Variants in TMIGD3 observed in about 807,000 individuals in gnomAD.
TMIGD3 encodes transmembrane and immunoglobulin domain containing 3.
TMIGD3 carries 21 observed loss-of-function variants against 28.1 expected under a neutral mutation model. The observed-to-expected ratio is 0.75, with a 90% CI of 0.53 to 1.08. The LOEUF (loss-of-function observed/expected upper bound fraction) is 1.08. Among genes scored for constraint, TMIGD3 ranks in the 50% least tolerant of loss-of-function variants. The pLI is 0.00. For missense variants in TMIGD3, 416 were observed against 435.6 expected (o/e 0.96, Z 0.40); for synonymous variants, 151 against 162.1 (o/e 0.93, Z 0.52).
chr1:111,486,271 C>A (rs1363672497), intron 4 of TMIGD3, among the ~76,000 whole-genome samples: 1 of 152,198 alleles, frequency 6.6e-6, no homozygotes, highest in Non-Finnish European at 1.5e-5. Flanking sequence ...ATGTTCCTGA[C>A]AATTTCCAAG....
chr1:111,525,412 A>T (rs775759213), intron 1 of TMIGD3, among the ~76,000 whole-genome samples: 1 of 152,192 alleles, frequency 6.6e-6, no homozygotes, highest in African/African-American at 2.4e-5. Flanking sequence ...TTTTATTGCT[A>T]TGAAATTACT....
At chr1:111,514,405 T>C (rs560785249) in intron 1 of TMIGD3, among the ~76,000 whole-genome samples, 2 of 152,018 alleles carry the variant, frequency 1.3e-5, no homozygotes, top group African/African-American at 4.8e-5. Context: ...AAAAAATTAG[T>C]TGGGCGTGGT....
At chr1:111,539,898 A>G (rs553032179) in intron 1 of TMIGD3, among the ~76,000 whole-genome samples, 1 of 152,322 alleles carries the variant, frequency 6.6e-6, no homozygotes, top group Admixed American at 6.5e-5. Flanking sequence ...CTGCTAAAAG[A>G]CAGACATTAG....
intron 1 of TMIGD3, among the ~76,000 whole-genome samples, chr1:111,525,080 T>G (rs1393604901): frequency 6.6e-6 from 1 of 152,268 alleles, no homozygotes; most frequent in Non-Finnish European, 1.5e-5. Flanking sequence ...CTTTTAAATG[T>G]ATTGAAACTT....
Position 111,503,631 on chromosome 1 carries a change from A to G in TMIGD3, c.-277T>C. On this transcript the variant is annotated 5_prime_UTR_variant, in exon 1 of 6. Coordinates refer to ENST00000369716, the MANE Select transcript of TMIGD3 (RefSeq NM_020683.7). Reference sequence around the variant, plus strand: ...AATGCTGTAGGACAGCTCTATATGGACTGAATCTGAAAGTGCTGCTGCTCT... The same window carrying G: ...AATGCTGTAGGACAGCTCTATATGGGCTGAATCTGAAAGTGCTGCTGCTCT... The G allele has an allele frequency of 3.3e-6, 4 of 1,194,930 alleles. No homozygotes were observed. Among genetic ancestry groups the G allele is most frequent in the Non-Finnish European group, 4.2e-6 (4 of 955,746 alleles). The allele number at this position is 1,194,930 out of a possible 1,614,324, so 74.0% of individuals were successfully genotyped here.
At chr1:111,500,801 T>A in intron 1 of TMIGD3, 1 of 549,660 alleles carries the variant, frequency 1.8e-6, no homozygotes, top group Non-Finnish European at 3.2e-6. Flanking sequence ...TGGGGACTTT[T>A]CTAAAGAAGA....
intron 1 of TMIGD3, among the ~76,000 whole-genome samples, chr1:111,495,805 G>A (rs1289561912): frequency 2.6e-5 from 4 of 152,328 alleles, no homozygotes; most frequent in South Asian, 2.1e-4. Context: ...ACATAGACAC[G>A]ATGGACTACT....
upstream of TMIGD3, chr1:111,505,043 G>A (rs2100987758): frequency 3.1e-6 from 3 of 968,834 alleles, no homozygotes; most frequent in Admixed American, 7.8e-5. Context: ...CCTCATAAAT[G>A]TTTCTACTGT....
rs1287888327 is a variant in TMIGD3, at chr1:111,488,860, G to A, written c.622C>T (p.His208Tyr). 2 of 1,614,234 alleles carry A rather than the reference G, an allele frequency of 1.2e-6. No individual in the cohort carries two copies. Among genetic ancestry groups the A allele is most frequent in the Admixed American group, 3.3e-5 (2 of 60,028 alleles). The change falls in exon 3 of 6, where the codon CAT (histidine) becomes TAT (tyrosine). Residue 208 changes from histidine (H) to tyrosine (Y), a missense_variant. By Grantham distance (83) the His-to-Tyr change is moderately conservative. Transcript: ENST00000369716. ...TTCCCTGTGTCCCTCAGGGCCACAT[G>A]ATTGGTGCTGTTAGGGGAGAAGGCG... ...IIAFSPNSTN[H>Y]VALRDTGNQL...
At chr1:111,505,103 T>G, upstream of TMIGD3, 2 of 779,960 alleles carry the variant, frequency 2.6e-6, no homozygotes, top group Non-Finnish European at 3.1e-6. Flanking sequence ...CAAGAGAAAT[T>G]TCTAGGAGGC....
At position 111,488,870 on chromosome 1, in the gene TMIGD3, G is replaced by T; in HGVS notation, c.612C>A (p.Asn204Lys). ...DYCNIIAFSPNSTNHVALRDT... is the reference protein window; with the variant it reads ...DYCNIIAFSPKSTNHVALRDT... ...CCCTCAGGGCCACATGATTGGTGCTGTTAGGGGAGAAGGCGATGATGTTGC... is the reference window on the plus strand; with the variant it reads ...CCCTCAGGGCCACATGATTGGTGCTTTTAGGGGAGAAGGCGATGATGTTGC... The change falls in exon 3 of 6, where the codon AAC becomes AAA. Residue 204 changes from asparagine (N) to lysine (K), a missense_variant. Transcript: ENST00000369716. 1 of 1,614,232 alleles carries T rather than the reference G, an allele frequency of 6.2e-7. No individual in the cohort carries two copies. Among genetic ancestry groups the T allele is most frequent in the Non-Finnish European group, 8.5e-7 (1 of 1,180,046 alleles).
intron 1 of TMIGD3, chr1:111,500,223 C>T (rs371490424): frequency 2.9e-5 from 46 of 1,613,978 alleles, no homozygotes; most frequent in Admixed American, 5.0e-5. Flanking sequence ...AGGACTTAGC[C>T]GTCTTGAACT....
intron 1 of TMIGD3, among the ~76,000 whole-genome samples, chr1:111,531,174 A>G (rs1314033368): frequency 1.3e-5 from 2 of 152,026 alleles, no homozygotes; most frequent in Non-Finnish European, 2.9e-5. Flanking sequence ...GCTACTCTGG[A>G]GGCTGAGGTG....
upstream of TMIGD3, among the ~76,000 whole-genome samples, chr1:111,507,031 GTGTGTGTGTATATATA>G (rs1310580039): frequency 9.0e-4 from 32 of 35,686 alleles, no homozygotes; most frequent in African/African-American, 1.7e-3. Flanking sequence ...GTGTGTGTGT[GTGTGTGTGTATATATA>G]TATATATATA....
At chr1:111,546,473 T>C (rs1307545656) in intron 1 of TMIGD3, among the ~76,000 whole-genome samples, 2 of 152,144 alleles carry the variant, frequency 1.3e-5, no homozygotes, top group Non-Finnish European at 2.9e-5. Context: ...TTTCTGTCTC[T>C]GTGAATTGGA....
intron 1 of TMIGD3, among the ~76,000 whole-genome samples, chr1:111,497,330 T>G (rs1042498458): frequency 6.6e-6 from 1 of 152,126 alleles, no homozygotes; most frequent in African/African-American, 2.4e-5. Flanking sequence ...CAGGATGGTC[T>G]CGATCTCCTG....
chr1:111,544,370 T>C (rs1337910), intron 1 of TMIGD3, among the ~76,000 whole-genome samples: 139,066 of 152,192 alleles, frequency 0.91, 64,349 homozygotes, highest in Non-Finnish European at 0.99. Context: ...CAATTTCCTC[T>C]TCCCCTCATC....
chr1:111,533,372 T>G (rs1188502588), intron 1 of TMIGD3, among the ~76,000 whole-genome samples: 2 of 152,194 alleles, frequency 1.3e-5, no homozygotes, highest in African/African-American at 4.8e-5. Flanking sequence ...TTAAAAATTG[T>G]AAACAAGTAA....
At chr1:111,485,013 T>G (rs898275040) in intron 5 of TMIGD3, among the ~76,000 whole-genome samples, 2 of 152,180 alleles carry the variant, frequency 1.3e-5, no homozygotes, top group African/African-American at 2.4e-5. Context: ...CAGTCATGTC[T>G]CTGATGCTGC....
Sources: allele counts gnomAD v4.1 joint callset (sites outside exome capture counted in the v4.1 genomes callset), GRCh38; gene constraint gnomAD v4.1.1; transcripts MANE v1.5; gene names NCBI Gene and HGNC (gene_info 2026-07-23, HGNC 2026-07-21).